GRAMD1C: variants seen among roughly 807,000 people sequenced by gnomAD.
GRAMD1C encodes the protein protein Aster-C.
GRAMD1C carries 89 observed loss-of-function variants against 97.8 expected under a neutral mutation model. The observed-to-expected ratio is 0.91, with a 90% CI of 0.77 to 1.09. GRAMD1C has a LOEUF of 1.09. GRAMD1C is among the 50% of genes least tolerant of loss of function. The pLI is 0.00. For synonymous variants in GRAMD1C, 256 were observed against 267.0 expected (o/e 0.96, Z 0.40); for missense variants, 740 against 766.4 (o/e 0.97, Z 0.41).
At chr3:113,885,283 G>T (rs1442905639) in intron 6 of GRAMD1C, 2 of 1,448,968 alleles carry the variant, frequency 1.4e-6, no homozygotes, top group Admixed American at 1.8e-5. Context: ...GGCCGGCGGT[G>T]CCGGGGTCAT....
At chr3:113,856,510 T>C (rs1271487000) in intron 2 of GRAMD1C, among the ~76,000 whole-genome samples, 1 of 144,644 alleles carries the variant, frequency 6.9e-6, no homozygotes, top group African/African-American at 2.5e-5. Context: ...GTTCTCCAGA[T>C]TTATTTATTT....
intron 13 of GRAMD1C, 112 bp downstream of exon 13, chr3:113,934,647 A>T (rs913935778): frequency 6.0e-5 from 35 of 585,986 alleles, no homozygotes; most frequent in Admixed American, 2.0e-4. Context: ...TGTTGGAAAG[A>T]CTCCCATGAA....
chr3:113,863,468 G>T (rs1032311859), intron 2 of GRAMD1C, among the ~76,000 whole-genome samples: 1 of 152,128 alleles, frequency 6.6e-6, no homozygotes, highest in Non-Finnish European at 1.5e-5. Context: ...GGACCTGGGT[G>T]GAGGGGGAAA....
intron 2 of GRAMD1C, among the ~76,000 whole-genome samples, chr3:113,857,627 T>C (rs781023394): frequency 3.9e-5 from 6 of 152,080 alleles, no homozygotes; most frequent in Non-Finnish European, 8.8e-5. Flanking sequence ...CCTCCCACCT[T>C]GGCCTCCCAA....
intron 1 of GRAMD1C, among the ~76,000 whole-genome samples, chr3:113,842,312 G>A (rs1008764784): frequency 2.0e-5 from 3 of 152,196 alleles, no homozygotes; most frequent in Non-Finnish European, 4.4e-5. Flanking sequence ...GCCAATTGCC[G>A]CATTTTAGCT....
At chr3:113,887,096 G>GTTTTTTTTTTTTT (rs59820635) in intron 6 of GRAMD1C, among the ~76,000 whole-genome samples, 1 of 94,056 alleles carries the variant, frequency 1.1e-5, no homozygotes, top group Non-Finnish European at 2.1e-5. Context: ...TTTTTTTTTT[G>GTTTTTTTTTTTTT]TTTTTTTTTT....
intron 13 of GRAMD1C, among the ~76,000 whole-genome samples, chr3:113,934,901 A>C (rs1577223841): frequency 6.6e-6 from 1 of 151,898 alleles, no homozygotes; most frequent in African/African-American, 2.4e-5. Flanking sequence ...GTGCCACCAC[A>C]CCCGGCTAAT....
Position 113,930,765 on chromosome 3 carries a change from C to A in GRAMD1C, c.1142C>A (p.Thr381Lys). The change falls in exon 11 of 18, where the codon ACG becomes AAG. Residue 381 changes from threonine to lysine, a missense_variant. Thr to Lys is a moderately conservative substitution (Grantham distance 78). Transcript: ENST00000358160. The part of the protein sequence containing the change: ...TAELGGDQLR[T>K]MTYTIVLNSP... ...GAACTTGGAGGTGATCAGCTGAGAA[C>A]GATGACCTACACTATAGTCCTTAAT... The A allele has an allele frequency of 6.2e-7, 1 of 1,612,162 alleles. No homozygotes were observed. The highest frequency in any genetic ancestry group is 8.5e-7 in the Non-Finnish European group (1 of 1,178,216).
At chr3:113,910,063 GATA>G (rs778834373) in intron 9 of GRAMD1C, among the ~76,000 whole-genome samples, 12 of 152,074 alleles carry the variant, frequency 7.9e-5, no homozygotes, top group Non-Finnish European at 1.6e-4. Flanking sequence ...AAAGATAAAT[GATA>G]ATAATATTCC....
intron 3 of GRAMD1C, among the ~76,000 whole-genome samples, chr3:113,873,613 C>T (rs1439817218): frequency 1.3e-5 from 2 of 151,924 alleles, no homozygotes; most frequent in African/African-American, 2.4e-5. Flanking sequence ...TTGCCTCCCG[C>T]GTTCAAGGGA....
intron 13 of GRAMD1C, 119 bp downstream of exon 13, chr3:113,934,654 T>C (rs1937542872): frequency 1.7e-6 from 1 of 578,588 alleles, no homozygotes; most frequent in Admixed American, 3.4e-5. Context: ...AAGACTCCCA[T>C]GAAAGTGGTT....
intron 16 of GRAMD1C, 88 bp downstream of exon 16, chr3:113,940,084 G>A (rs372794396): frequency 1.1e-5 from 10 of 896,734 alleles, no homozygotes; most frequent in African/African-American, 9.9e-5. Flanking sequence ...TTCAGAGACT[G>A]TGGTCTGCTA....
intron 8 of GRAMD1C, among the ~76,000 whole-genome samples, chr3:113,907,529 A>G (rs1936413823): frequency 6.6e-6 from 1 of 152,128 alleles, no homozygotes; most frequent in South Asian, 2.1e-4. Flanking sequence ...TTCTGTTTGC[A>G]TTCAAGAGCC....
intron 9 of GRAMD1C, among the ~76,000 whole-genome samples, chr3:113,912,102 A>C (rs1259021254): frequency 2.0e-5 from 3 of 152,126 alleles, no homozygotes; most frequent in Non-Finnish European, 4.4e-5. Flanking sequence ...TTAACAGAAT[A>C]ATTTGCGGCT....
At chr3:113,841,301 T>TTTTTTG (rs56205830) in intron 1 of GRAMD1C, among the ~76,000 whole-genome samples, 1 of 145,980 alleles carries the variant, frequency 6.9e-6, no homozygotes, top group South Asian at 2.2e-4. Context: ...TTTTTTTTTT[T>TTTTTTG]GCGAGACAGA....
At chr3:113,886,168 C>T in intron 6 of GRAMD1C, 2 of 1,445,266 alleles carry the variant, frequency 1.4e-6, no homozygotes, top group East Asian at 2.5e-5. Context: ...CCCTCTCTGC[C>T]CTGGGAGCCC....
chr3:113,887,715 A>C (rs984764245), intron 6 of GRAMD1C, among the ~76,000 whole-genome samples: 22 of 150,624 alleles, frequency 1.5e-4, no homozygotes, highest in Non-Finnish European at 2.4e-4. Flanking sequence ...CTCCAAAAAA[A>C]AAAAAAAAAA....
At chr3:113,844,726 T>C in intron 2 of GRAMD1C, 77 bp downstream of exon 2, 1 of 1,022,894 alleles carries the variant, frequency 9.8e-7, no homozygotes, top group Non-Finnish European at 1.4e-6. Flanking sequence ...CATATAGTAT[T>C]TGTAAAATTT....
At chr3:113,857,003 T>G (rs1934158385) in intron 2 of GRAMD1C, among the ~76,000 whole-genome samples, 1 of 152,084 alleles carries the variant, frequency 6.6e-6, no homozygotes, top group South Asian at 2.1e-4. Context: ...TAGACTTGGC[T>G]AATTTTTGTA....
Sources: allele counts gnomAD v4.1 joint callset (sites outside exome capture counted in the v4.1 genomes callset), GRCh38; gene constraint gnomAD v4.1.1; transcripts MANE v1.5; gene names NCBI Gene and HGNC (gene_info 2026-07-23, HGNC 2026-07-21).